Variants in ROBO1 observed in about 807,000 individuals in gnomAD.
ROBO1 encodes roundabout guidance receptor 1.
In ROBO1, 149 loss-of-function variants were observed where a neutral mutation model predicts 195.9. The observed-to-expected ratio is 0.76, with a 90% CI of 0.67 to 0.87. The LOEUF is 0.87. ROBO1 is among the 40% of genes least tolerant of loss of function. The pLI is 0.00. For synonymous variants in ROBO1, 816 were observed against 733.2 expected (o/e 1.11, Z -1.82); for missense variants, 1,933 against 2,068.3 (o/e 0.93, Z 1.27).
rs140303784 is a variant in ROBO1 at position 78,964,530 on chromosome 3, A to G, written c.173-25603T>C. 4.7e-3 allele frequency among the ~76,000 whole-genome samples: 710 copies of G among 152,286 alleles called. 7 individuals are homozygous for G. The highest frequency in any genetic ancestry group is 0.016 in the African/African-American group (672 of 41,556). Reference sequence around the variant, plus strand: ...AAAAAGGCTTTTTGTTCTTAGCCTAATAGCAACACAGAAGTTCTTAAAAGA... The same window carrying G: ...AAAAAGGCTTTTTGTTCTTAGCCTAGTAGCAACACAGAAGTTCTTAAAAGA... On this transcript the variant is annotated intron_variant, in intron 3 of 30. Transcript: ENST00000464233.
At position 78,631,228 on chromosome 3, in the gene ROBO1, G is replaced by T. The variant is rs1705165311; in HGVS notation, c.3559C>A (p.Pro1187Thr). The change falls in exon 25 of 31, where the codon CCT becomes ACT. Residue 1187 changes from proline to threonine, a missense_variant. This residue lies in a region of ROBO1 where 1,737 missense variants were observed against 1,882.5 expected (regional missense o/e 0.92). Transcript: ENST00000464233. ...GGAGGAGGATGTGCTGGGGGAGGAG[G>T]AAGCAGGTCTGCCCAGTTCATGCCA... is the stretch of plus-strand genomic sequence containing the variant. ...QGGMNWADLL[P>T]PPPAHPPPHS... The T allele has an allele frequency of 5.6e-6, 9 of 1,613,272 alleles. No homozygotes were observed. Among genetic ancestry groups the T allele is most frequent in the Non-Finnish European group, 7.6e-6 (9 of 1,179,660 alleles).
At chr3:78,944,460 C>T (rs2040306405) in intron 3 of ROBO1, among the ~76,000 whole-genome samples, 1 of 152,204 alleles carries the variant, frequency 6.6e-6, no homozygotes, top group Admixed American at 6.5e-5. Flanking sequence ...TGCCTGCACC[C>T]TGATGTCAGA....
At chr3:79,369,925 G>T (rs1280648327) in intron 2 of ROBO1, among the ~76,000 whole-genome samples, 1 of 152,138 alleles carries the variant, frequency 6.6e-6, no homozygotes, top group Admixed American at 6.5e-5. Flanking sequence ...AGACATAAGA[G>T]AAACATTTTA....
At chr3:79,019,012 G>A (rs886531230) in intron 3 of ROBO1, 6 of 990,374 alleles carry the variant, frequency 6.1e-6, no homozygotes, top group African/African-American at 3.5e-5. Context: ...TCGGGGTGCC[G>A]GGAGTGTGAC....
intron 3 of ROBO1, among the ~76,000 whole-genome samples, chr3:79,053,522 C>T (rs573795423): frequency 2.0e-5 from 3 of 151,960 alleles, no homozygotes; most frequent in Non-Finnish European, 4.4e-5. Context: ...ATTCTACAGG[C>T]CCTCCCCCAT....
chr3:78,915,246 A>C (rs192894925), intron 4 of ROBO1, among the ~76,000 whole-genome samples: 2 of 152,332 alleles, frequency 1.3e-5, no homozygotes, highest in Admixed American at 6.5e-5. Flanking sequence ...ACCTAATAGT[A>C]AGAAACATCA....
intron 4 of ROBO1, among the ~76,000 whole-genome samples, chr3:78,821,194 CTT>C (rs1213783508): frequency 1.6e-5 from 2 of 121,346 alleles, no homozygotes; most frequent in African/African-American, 3.3e-5. Flanking sequence ...GAGACAGAGT[CTT>C]ACTCTGTCAC....
At chr3:78,877,461 GA>G (rs201624352) in intron 4 of ROBO1, among the ~76,000 whole-genome samples, 39 of 146,572 alleles carry the variant, frequency 2.7e-4, no homozygotes, top group African/African-American at 8.7e-4. Context: ...CTAATTGAAT[GA>G]AAAAAAAATA....
intron 1 of ROBO1, among the ~76,000 whole-genome samples, chr3:79,664,094 C>G (rs1323966631): frequency 6.6e-6 from 1 of 151,990 alleles, no homozygotes; most frequent in Non-Finnish European, 1.5e-5. Flanking sequence ...TTTTAAATCA[C>G]TTACCATGTT....
intron 1 of ROBO1, among the ~76,000 whole-genome samples, chr3:79,725,141 T>G (rs1702857969): frequency 6.6e-6 from 1 of 152,038 alleles, no homozygotes; most frequent in Non-Finnish European, 1.5e-5. Context: ...GATACCTGGA[T>G]GCCAGTCTAC....
chr3:79,066,156 G>A (rs4234349), intron 3 of ROBO1, among the ~76,000 whole-genome samples: 145,161 of 151,990 alleles, frequency 0.96, 69,700 homozygotes, highest in East Asian at 1. Context: ...CCTAAAAGAC[G>A]TTAAGTTTTT....
At chr3:79,348,561 A>G (rs1277884496) in intron 2 of ROBO1, among the ~76,000 whole-genome samples, 2 of 152,200 alleles carry the variant, frequency 1.3e-5, no homozygotes, top group African/African-American at 4.8e-5. Context: ...GGCAGAAGAC[A>G]AAGAAACAAA....
At chr3:79,574,455 CTTTT>C (rs1253368969) in intron 2 of ROBO1, among the ~76,000 whole-genome samples, 1 of 151,830 alleles carries the variant, frequency 6.6e-6, no homozygotes, top group African/African-American at 2.4e-5. Context: ...TTTTATTTTT[CTTTT>C]TTTAGTAGTC....
chr3:79,124,900 T>C (rs1205723700), intron 3 of ROBO1, among the ~76,000 whole-genome samples: 2 of 152,184 alleles, frequency 1.3e-5, no homozygotes, highest in Non-Finnish European at 1.5e-5. Flanking sequence ...TTAGTTAATT[T>C]GTTACTATTA....
intron 4 of ROBO1, among the ~76,000 whole-genome samples, chr3:78,861,162 T>A (rs2034813971): frequency 6.6e-6 from 1 of 152,148 alleles, no homozygotes; most frequent in Non-Finnish European, 1.5e-5. Flanking sequence ...AGATCCAAAC[T>A]CCTTATCTTC....
At chr3:78,824,819 G>A (rs868245194) in intron 4 of ROBO1, among the ~76,000 whole-genome samples, 5 of 152,096 alleles carry the variant, frequency 3.3e-5, no homozygotes, top group Middle Eastern at 3.2e-3. Context: ...CACAGATATA[G>A]TAATGCTGGT....
At chr3:79,271,167 C>T (rs922944339) in intron 2 of ROBO1, among the ~76,000 whole-genome samples, 7 of 151,964 alleles carry the variant, frequency 4.6e-5, no homozygotes, top group African/African-American at 1.7e-4. Flanking sequence ...GTGTGTCATG[C>T]AATCTTTACT....
intron 1 of ROBO1, among the ~76,000 whole-genome samples, chr3:79,667,310 C>A (rs943578027): frequency 6.6e-6 from 1 of 151,838 alleles, no homozygotes. Flanking sequence ...CCACATCAAA[C>A]CAAATTCAGA....
intron 4 of ROBO1, among the ~76,000 whole-genome samples, chr3:78,766,782 G>T (rs2083239349): frequency 1.3e-5 from 2 of 152,068 alleles, no homozygotes. Context: ...ATTACATTAA[G>T]GTATGTCCCT....
Sources: gnomAD v4.1 joint callset for allele counts (sites outside exome capture counted in the v4.1 genomes callset) on GRCh38, gnomAD v4.1.1 for gene constraint, gnomAD v4.1.1 regional missense constraint, MANE v1.5 for transcripts, NCBI Gene and HGNC (gene_info 2026-07-23, HGNC 2026-07-21) for gene names.